PRKCG: variants seen among roughly 807,000 people sequenced by gnomAD.
PRKCG encodes the protein protein kinase C gamma type.
A neutral mutation model predicts 82.0 loss-of-function variants in PRKCG; 28 were observed. The observed-to-expected ratio is 0.34, with a 90% CI of 0.25 to 0.47. The LOEUF (loss-of-function observed/expected upper bound fraction) is 0.47, where lower values mean the gene tolerates loss of function less well. Ranked by LOEUF, PRKCG falls within the 20% of genes least tolerant of loss-of-function variation. The pLI, the probability that PRKCG is intolerant of heterozygous loss-of-function variation, is 1.00. For missense variants in PRKCG, 640 were observed against 952.7 expected (o/e 0.67, Z 4.32); for synonymous variants, 383 against 376.6 (o/e 1.02, Z -0.20).
Position 53,906,769 on chromosome 19 carries a change from T to C in PRKCG, c.1968T>C (p.Pro656=). 1 of 1,613,450 alleles carries C rather than the reference T, an allele frequency of 6.2e-7. No homozygotes were observed. Among genetic ancestry groups the C allele is most frequent in the Non-Finnish European group, 8.5e-7 (1 of 1,179,986 alleles). Residue 656 remains proline (P), a synonymous_variant, in exon 18 of 18, where the codon CCT becomes CCC. Coordinates refer to ENST00000263431, the MANE Select transcript of PRKCG (RefSeq NM_002739.5). The stretch of plus-strand genomic sequence containing the variant: ...CGCGGGCGGCGCCAGCGCTGACCCC[T>C]CCAGACCGCCTAGTCCTGGCCAGCA... ...FFTRAAPALT[P]PDRLVLASID...
intron 5 of PRKCG, among the ~76,000 whole-genome samples, chr19:53,891,152 C>G (rs1249974939): frequency 6.6e-6 from 1 of 152,028 alleles, no homozygotes; most frequent in Non-Finnish European, 1.5e-5. Flanking sequence ...AACTCTGGTT[C>G]CTAATGGAGA....
In PRKCG at chr19:53,883,298, C is replaced by A. The variant is rs2068606799; in HGVS notation, c.202+104C>A. 7.2e-7 allele frequency: 1 copy of A among 1,393,200 alleles called. No individual in the cohort carries two copies. Among genetic ancestry groups the A allele is most frequent in the Non-Finnish European group, 1.0e-6 (1 of 989,616 alleles). 86.3% of individuals were successfully genotyped at this position (1,393,200 alleles called of 1,614,324 possible). On this transcript the variant is annotated intron_variant, in intron 2 of 17. Transcript: ENST00000263431. This position sits in a 1 kb window ranked among gnomAD's most constrained non-coding sequence, Gnocchi z 5.4. ...ACGTGTTCTCTGGTCCCCAGAGAGG[C>A]GCGGGGGAGCCCGGGGCGGGGGGTG...
Position 53,884,162 on chromosome 19 carries a change from C to G in PRKCG, c.204C>G (p.Val68=), listed in dbSNP as rs894861716. The stretch of plus-strand genomic sequence containing the variant: ...TGTCTCTATGATTTTCATCTATAGT[C>G]TGCAGCTTTGTGGTTCATCGACGAT... ...GIGKQGLQCQ[V]CSFVVHRRCH... The change falls in exon 3 of 18, where the codon GTC becomes GTG. Residue 68 remains valine (V), a splice_region_variant and synonymous_variant. Transcript: ENST00000263431. The surrounding 1 kb of genome is among the most constrained non-coding windows in gnomAD (Gnocchi z 4.6). 1 of 1,614,124 alleles carries G rather than the reference C, an allele frequency of 6.2e-7. No homozygotes were observed. Among genetic ancestry groups the G allele is most frequent in the Non-Finnish European group, 8.5e-7 (1 of 1,180,008 alleles).
Position 53,906,797 on chromosome 19 carries a change from G to A in PRKCG, c.1996G>A (p.Asp666Asn), listed in dbSNP as rs373369366. The stretch of plus-strand genomic sequence containing the variant: ...AGACCGCCTAGTCCTGGCCAGCATC[G>A]ACCAGGCCGATTTCCAGGGCTTCAC... ...PPDRLVLASI[D>N]QADFQGFTYV... The change falls in exon 18 of 18, where the codon GAC becomes AAC. Residue 666 changes from aspartate (D) to asparagine (N), a missense_variant. Physicochemically the swap from Asp to Asn is conservative, Grantham distance 23. This residue lies in a region of PRKCG where 198 missense variants were observed against 273.4 expected (regional missense o/e 0.72). Transcript: ENST00000263431. The A allele has an allele frequency of 1.9e-6, 3 of 1,613,542 alleles. No homozygotes were observed. Among genetic ancestry groups the A allele is most frequent in the Non-Finnish European group, 2.5e-6 (3 of 1,180,016 alleles).
chr19:53,893,063 C>T lies in PRKCG; in HGVS notation c.897C>T (p.Leu299=), dbSNP rs114319337. ...PVADADNCSL[L]QKFEACNYPL... The stretch of plus-strand genomic sequence containing the variant: ...CCGATGCTGACAACTGCAGCCTCCT[C>T]CAGAAGTTTGAGGTACCCAGACCCT... Residue 299 remains leucine, a synonymous_variant, in exon 8 of 18, where the codon CTC becomes CTT. Coordinates refer to ENST00000263431, the MANE Select transcript of PRKCG (RefSeq NM_002739.5). 24 of 1,613,856 alleles carry T rather than the reference C, an allele frequency of 1.5e-5. No individual in the cohort carries two copies. The East Asian group carries it at 4.2e-4, about 28-fold the overall frequency.
intron 3 of PRKCG, among the ~76,000 whole-genome samples, chr19:53,885,592 C>T (rs2068625678): frequency 6.6e-6 from 1 of 152,124 alleles, no homozygotes; most frequent in Non-Finnish European, 1.5e-5. Flanking sequence ...CAGCACACAT[C>T]TGGACACTTC....
At chr19:53,894,746 G>A (rs1404522120) in intron 9 of PRKCG, among the ~76,000 whole-genome samples, 4 of 152,152 alleles carry the variant, frequency 2.6e-5, no homozygotes, top group African/African-American at 4.8e-5. Context: ...AGGCGTGAGC[G>A]ACCACGCCCA....
In PRKCG at chr19:53,883,315, C is replaced by CCG; in HGVS notation, c.202+121_202+122insCG. 1 of 1,226,890 alleles carries CCG rather than the reference C, an allele frequency of 8.2e-7. No individual in the cohort carries two copies. Among genetic ancestry groups the CCG allele is most frequent in the Non-Finnish European group, 1.2e-6 (1 of 852,460 alleles). The allele number at this position is 1,226,890 out of a possible 1,614,324, so 76.0% of individuals were successfully genotyped here. On this transcript the variant is annotated intron_variant, in intron 2 of 17. Transcript: ENST00000263431. This position sits in a 1 kb window ranked among gnomAD's most constrained non-coding sequence, Gnocchi z 5.4. Reference sequence around the variant, plus strand: ...CAGAGAGGCGCGGGGGAGCCCGGGGCGGGGGGTGTGGCAGAGACACAGCCT... The same window carrying CCG: ...CAGAGAGGCGCGGGGGAGCCCGGGGCCGGGGGGGTGTGGCAGAGACACAGCCT...
At chr19:53,904,111 T>A (rs2068784256) in intron 15 of PRKCG, among the ~76,000 whole-genome samples, 3 of 151,916 alleles carry the variant, frequency 2.0e-5, no homozygotes, top group Non-Finnish European at 2.9e-5. Context: ...TAAAAAAAAA[T>A]TTGGCCGGAC....
rs1174681451 is a variant in PRKCG, at chr19:53,903,075, C to T, written c.1578C>T (p.Ile526=). 2 of 1,613,074 alleles carry T rather than the reference C, an allele frequency of 1.2e-6. No individual in the cohort carries two copies. Among genetic ancestry groups the T allele is most frequent in the Non-Finnish European group, 1.7e-6 (2 of 1,179,136 alleles). ...TCCCTGCCTTCCACCTCCCCTAGAT[C>T]ATTGCCTACCAGCCCTATGGGAAGT... is the stretch of plus-strand genomic sequence containing the variant. ...CGTPDYIAPE[I]IAYQPYGKSV... The change falls in exon 15 of 18, where the codon ATC becomes ATT. Residue 526 remains isoleucine (I), a splice_region_variant and synonymous_variant. Coordinates refer to ENST00000263431, the MANE Select transcript of PRKCG (RefSeq NM_002739.5).
At position 53,906,938 on chromosome 19, in the gene PRKCG, G is replaced by A. The variant is rs745859353; in HGVS notation, c.*43G>A. ...AGGTGTCCCCAACGTCCCCTCCGCC[G>A]TGCCGGCGGCAGCCCCACTTCACCC... On this transcript the variant is annotated 3_prime_UTR_variant, in exon 18 of 18. Transcript: ENST00000263431. 2.6e-5 allele frequency: 42 copies of A among 1,606,758 alleles called. No homozygotes were observed. Among genetic ancestry groups the A allele is most frequent in the East Asian group, 1.6e-4 (7 of 44,660 alleles).
At chr19:53,887,468 G>A (rs1476172786) in intron 3 of PRKCG, among the ~76,000 whole-genome samples, 1 of 110,138 alleles carries the variant, frequency 9.1e-6, no homozygotes, top group African/African-American at 3.5e-5. Flanking sequence ...TTGCACTCCA[G>A]CCTGGGCAGC....
Position 53,892,594 on chromosome 19 carries a change from G to T in PRKCG, c.772G>T (p.Ala258Ser). ...DRTSRNDFMG[A>S]MSFGVSELLK... Reference sequence around the variant, plus strand: ...GACCTCCCGCAACGACTTCATGGGGGCCATGTCCTTTGGCGTCTCGGAGCT... The same window carrying T: ...GACCTCCCGCAACGACTTCATGGGGTCCATGTCCTTTGGCGTCTCGGAGCT... The change falls in exon 7 of 18, where the codon GCC (alanine) becomes TCC (serine). Residue 258 changes from alanine (A) to serine (S), a missense_variant. Around this residue, in one of 7 missense-constraint regions of PRKCG, gnomAD observed 261 missense variants for 312.1 expected, o/e 0.84. Coordinates refer to ENST00000263431, the MANE Select transcript of PRKCG (RefSeq NM_002739.5). This position sits in a 1 kb window ranked among gnomAD's most constrained non-coding sequence, Gnocchi z 5.9. 1 of 1,613,518 alleles carries T rather than the reference G, an allele frequency of 6.2e-7. No individual in the cohort carries two copies.
In PRKCG at chr19:53,906,803, GC is replaced by G. The variant is rs1375924761; in HGVS notation, c.2004del (p.Asp669IlefsTer8). The G allele has an allele frequency of 1.2e-6, 2 of 1,613,738 alleles. No homozygotes were observed. Among genetic ancestry groups the G allele is most frequent in the Non-Finnish European group, 8.5e-7 (1 of 1,180,012 alleles). The stretch of plus-strand genomic sequence containing the variant: ...CCTAGTCCTGGCCAGCATCGACCAG[GC>G]CGATTTCCAGGGCTTCACCTACGTG... ...DRLVLASIDQADFQGFTYVNP... is the reference protein window; with the variant it reads ...DRLVLASIDQXDFQGFTYVNP... On this transcript the variant is annotated frameshift_variant, in exon 18 of 18. Transcript: ENST00000263431. LOFTEE classifies it high-confidence loss of function.
At position 53,900,731 on chromosome 19, in the gene PRKCG, G is replaced by A. The variant is rs761045865; in HGVS notation, c.1557G>A (p.Pro519=). ...CAACCCGCACCTTCTGCGGGACCCCGGACTACATAGCCCCGGAGGTAACCC... is the reference window on the plus strand; with the variant it reads ...CAACCCGCACCTTCTGCGGGACCCCAGACTACATAGCCCCGGAGGTAACCC... ...GTTTRTFCGT[P]DYIAPEIIAY... Residue 519 remains proline, a synonymous_variant, in exon 14 of 18, where the codon CCG becomes CCA. Transcript: ENST00000263431. This position sits in a 1 kb window ranked among gnomAD's most constrained non-coding sequence, Gnocchi z 4.2. 5.6e-6 allele frequency: 9 copies of A among 1,614,184 alleles called. No individual in the cohort carries two copies. Among genetic ancestry groups the A allele is most frequent in the Non-Finnish European group, 6.8e-6 (8 of 1,180,040 alleles).
intron 9 of PRKCG, among the ~76,000 whole-genome samples, chr19:53,897,545 G>A (rs1481856279): frequency 2.0e-5 from 3 of 152,090 alleles, no homozygotes; most frequent in South Asian, 2.1e-4. Context: ...AGGGAATTCC[G>A]GCTTAGAGGC....
In PRKCG at chr19:53,898,019, C is replaced by G. The variant is rs758073710; in HGVS notation, c.1000C>G (p.Pro334Ala). The change falls in exon 10 of 18, where the codon CCC becomes GCC. Residue 334 changes from proline (P) to alanine (A), a missense_variant. Physicochemically the swap from Pro to Ala is conservative, Grantham distance 27. Coordinates refer to ENST00000263431, the MANE Select transcript of PRKCG (RefSeq NM_002739.5). The stretch of plus-strand genomic sequence containing the variant: ...CTCCCCTTCCCCTAGTCCCACCGAC[C>G]CCAAGCGCTGCTTCTTCGGGGCGAG... ...IPSPSPSPTD[P>A]KRCFFGASPG... 2 of 1,614,110 alleles carry G rather than the reference C, an allele frequency of 1.2e-6. No individual in the cohort carries two copies. Among genetic ancestry groups the G allele is most frequent in the Non-Finnish European group, 1.7e-6 (2 of 1,180,014 alleles).
rs542108499 is a variant in PRKCG at position 53,883,737 on chromosome 19, C to T, written c.203-424C>T. ...GCCGGCAGCAGCGCCCCCAGACTCA[C>T]TTCTGCCCAAGTTGCTGCTTCCTGG... On this transcript the variant is annotated intron_variant, in intron 2 of 17. Coordinates refer to ENST00000263431, the MANE Select transcript of PRKCG (RefSeq NM_002739.5). The surrounding 1 kb of genome is among the most constrained non-coding windows in gnomAD (Gnocchi z 5.4). 6.6e-6 allele frequency among the ~76,000 whole-genome samples: 1 copy of T among 152,302 alleles called. No homozygotes were observed. Among genetic ancestry groups the T allele is most frequent in the Non-Finnish European group, 1.5e-5 (1 of 68,020 alleles).
In PRKCG at chr19:53,889,243, C is replaced by T. The variant is rs981981046; in HGVS notation, c.286-395C>T. The stretch of plus-strand genomic sequence containing the variant: ...TGCTGGGATTACAGGCATGAGCCAC[C>T]GCACCCAGCCAGGACCACCGTATTT... On this transcript the variant is annotated intron_variant, in intron 3 of 17. Transcript: ENST00000263431. This position sits in a 1 kb window ranked among gnomAD's most constrained non-coding sequence, Gnocchi z 4.4. 3.3e-5 allele frequency among the ~76,000 whole-genome samples: 5 copies of T among 152,004 alleles called. No homozygotes were observed. Among genetic ancestry groups the T allele is most frequent in the East Asian group, 3.9e-4 (2 of 5,188 alleles).
Sources: gnomAD v4.1 joint callset for allele counts (sites outside exome capture counted in the v4.1 genomes callset) on GRCh38, gnomAD v4.1.1 for gene constraint, gnomAD v4.1.1 regional missense constraint, Gnocchi (gnomAD v3.1) non-coding constraint, MANE v1.5 for transcripts, NCBI Gene and HGNC (gene_info 2026-07-23, HGNC 2026-07-21) for gene names.